Variants in FGF9 observed in about 807,000 individuals in gnomAD.
FGF9 encodes fibroblast growth factor 9 (glia-activating factor).
FGF9 carries 3 observed loss-of-function variants against 19.9 expected under a neutral mutation model. That is an observed-to-expected ratio of 0.15 (90% CI 0.07 to 0.39). The LOEUF (loss-of-function observed/expected upper bound fraction) is 0.39. FGF9 is among the 10% of genes least tolerant of loss of function. The probability of loss-of-function intolerance (pLI) is 1.00; values close to 1 mark genes in which losing one functional copy is unlikely to be tolerated. For synonymous variants in FGF9, 107 were observed against 106.9 expected (o/e 1.00, Z -0.01); for missense variants, 175 against 256.8 (o/e 0.68, Z 2.18).
At chr13:21,690,713 A>G (rs1306847170) in intron 2 of FGF9, among the ~76,000 whole-genome samples, 1 of 152,212 alleles carries the variant, frequency 6.6e-6, no homozygotes, top group African/African-American at 2.4e-5. Flanking sequence ...ATCCATGCAC[A>G]CGCTCCCAGC....
intron 1 of FGF9, among the ~76,000 whole-genome samples, chr13:21,679,166 A>G (rs1356857979): frequency 6.6e-6 from 1 of 152,186 alleles, no homozygotes; most frequent in Admixed American, 6.5e-5. Context: ...TCAAAACACA[A>G]TTTGTAATTT....
chr13:21,684,331 C>CT lies in FGF9; in HGVS notation c.381+3197dup, dbSNP rs547112331. 1.7e-3 allele frequency among the ~76,000 whole-genome samples: 243 copies of CT among 146,454 alleles called. 2 individuals are homozygous for CT. In the East Asian group the frequency reaches 0.026, roughly 15 times the overall value. ...GTATCTAAAGGGCATGGACCACATT[C>CT]TTTTTTTTTTTGGTTTCCTAACACA... On this transcript the variant is annotated intron_variant, in intron 2 of 2. Coordinates refer to ENST00000382353, the MANE Select transcript of FGF9 (RefSeq NM_002010.3).
rs1023635242 is a variant in FGF9, at chr13:21,672,483, G to C, written c.277+294G>C. The stretch of plus-strand genomic sequence containing the variant: ...ACAAGTTTCCAGTTCTTTTGCATCA[G>C]ATACACGGGTTTAGGAAGTTTCTTT... On this transcript the variant is annotated intron_variant, in intron 1 of 2. Transcript: ENST00000382353. The surrounding 1 kb of genome is among the most constrained non-coding windows in gnomAD (Gnocchi z 4.2). 6.6e-6 allele frequency among the ~76,000 whole-genome samples: 1 copy of C among 152,226 alleles called. No homozygotes were observed. Among genetic ancestry groups the C allele is most frequent in the African/African-American group, 2.4e-5 (1 of 41,444 alleles).
intron 1 of FGF9, among the ~76,000 whole-genome samples, chr13:21,673,491 C>T (rs1273486402): frequency 6.6e-6 from 1 of 152,050 alleles, no homozygotes; most frequent in East Asian, 1.9e-4. Flanking sequence ...CGTCTCCACT[C>T]GCTGCTTAAA....
Position 21,703,227 on chromosome 13 carries a change from C to A in FGF9, c.*1792C>A, listed in dbSNP as rs1035884736. 5.3e-5 allele frequency: 8 copies of A among 152,280 alleles called. No homozygotes were observed. The highest frequency in any genetic ancestry group is 1.9e-4 in the African/African-American group (8 of 41,572). The allele number at this position is 152,280 out of a possible 1,614,324, so 9.4% of individuals were successfully genotyped here. ...TGAACTAATTTTAAAATTTACTATT[C>A]AAACTTTATTTTGCTCTGATGCACA... On this transcript the variant is annotated 3_prime_UTR_variant, in exon 3 of 3. Transcript: ENST00000382353.
In FGF9 at chr13:21,702,962, A is replaced by G. The variant is rs960471875; in HGVS notation, c.*1527A>G. 1 of 152,240 alleles carries G rather than the reference A, an allele frequency of 6.6e-6. No homozygotes were observed. Among genetic ancestry groups the G allele is most frequent in the Non-Finnish European group, 1.5e-5 (1 of 68,032 alleles). 9.4% of individuals were successfully genotyped at this position (152,240 alleles called of 1,614,324 possible). On this transcript the variant is annotated 3_prime_UTR_variant, in exon 3 of 3. Coordinates refer to ENST00000382353, the MANE Select transcript of FGF9 (RefSeq NM_002010.3). ...ATAGAATATCTTTTACAAGGCTTTTATAACATTTTATGCTGAAAAGCATAA... is the reference window on the plus strand; with the variant it reads ...ATAGAATATCTTTTACAAGGCTTTTGTAACATTTTATGCTGAAAAGCATAA...
intron 2 of FGF9, among the ~76,000 whole-genome samples, chr13:21,693,459 C>G (rs1009711755): frequency 7.9e-5 from 12 of 152,184 alleles, no homozygotes; most frequent in African/African-American, 2.9e-4. Flanking sequence ...TCATATAGTG[C>G]CCAGGGATCC....
At chr13:21,700,150 G>C (rs1490692215) in intron 2 of FGF9, among the ~76,000 whole-genome samples, 1 of 152,116 alleles carries the variant, frequency 6.6e-6, no homozygotes, top group Non-Finnish European at 1.5e-5. Flanking sequence ...TAGAGAGGAA[G>C]TGTAGTCCAT....
intron 2 of FGF9, among the ~76,000 whole-genome samples, chr13:21,694,371 A>G (rs1225309178): frequency 6.6e-6 from 1 of 152,202 alleles, no homozygotes; most frequent in African/African-American, 2.4e-5. Flanking sequence ...TACATTAAAA[A>G]AAATTCTGCC....
intron 2 of FGF9, among the ~76,000 whole-genome samples, chr13:21,692,317 T>TG (rs530080469): frequency 6.4e-4 from 98 of 152,324 alleles, no homozygotes; most frequent in African/African-American, 2.2e-3. Flanking sequence ...TGAATTTCTG[T>TG]GTTTCAGCTA....
At chr13:21,674,506 G>C (rs887288974) in intron 1 of FGF9, among the ~76,000 whole-genome samples, 3 of 151,942 alleles carry the variant, frequency 2.0e-5, no homozygotes, top group African/African-American at 7.2e-5. Context: ...GGGAGCCCGG[G>C]GTGTGCGCGG....
intron 2 of FGF9, among the ~76,000 whole-genome samples, chr13:21,686,024 G>A (rs1010285326): frequency 6.6e-6 from 1 of 152,140 alleles, no homozygotes; most frequent in Non-Finnish European, 1.5e-5. Flanking sequence ...TACTTTTAGA[G>A]TCTTAATCTA....
chr13:21,698,432 G>C lies in FGF9; in HGVS notation c.382-2758G>C, dbSNP rs17070672. On this transcript the variant is annotated intron_variant, in intron 2 of 2. Coordinates refer to ENST00000382353, the MANE Select transcript of FGF9 (RefSeq NM_002010.3). ...GGTGTTCAGCACTGCTCTCTGATTG[G>C]ATCTCTGTCACAACCCTGCCTCAAG... Among the ~76,000 whole-genome samples, 241 of 152,260 alleles carry C rather than the reference G, an allele frequency of 1.6e-3. 1 individual carries two copies. In the Middle Eastern group the frequency reaches 0.037, roughly 24 times the overall value.
chr13:21,680,985 T>C (rs1210503354), intron 1 of FGF9, 57 bp from the exon 2 acceptor site: 1 of 1,348,022 alleles, frequency 7.4e-7, no homozygotes, highest in Non-Finnish European at 1.1e-6. Context: ...ATGCTGGGAC[T>C]CTAAGGACAT....
chr13:21,673,422 C>T (rs1871818063), intron 1 of FGF9, among the ~76,000 whole-genome samples: 1 of 152,134 alleles, frequency 6.6e-6, no homozygotes, highest in African/African-American at 2.4e-5. Context: ...ATTTGCTCCT[C>T]ATGCTCACCC....
intron 2 of FGF9, among the ~76,000 whole-genome samples, chr13:21,681,769 T>C (rs1310014023): frequency 1.3e-5 from 2 of 152,232 alleles, no homozygotes; most frequent in African/African-American, 2.4e-5. Flanking sequence ...TTATAGGTGC[T>C]GAGGTGTGAA....
chr13:21,698,433 A>T (rs1347156654), intron 2 of FGF9, among the ~76,000 whole-genome samples: 1 of 152,162 alleles, frequency 6.6e-6, no homozygotes, highest in African/African-American at 2.4e-5. Flanking sequence ...CTCTGATTGG[A>T]TCTCTGTCAC....
chr13:21,688,846 C>G (rs184253573), intron 2 of FGF9, among the ~76,000 whole-genome samples: 1 of 150,728 alleles, frequency 6.6e-6, no homozygotes, highest in South Asian at 2.1e-4. Flanking sequence ...AGTGGACAAT[C>G]GTCTTTTAAA....
chr13:21,688,752 A>AT (rs56274891), intron 2 of FGF9, among the ~76,000 whole-genome samples: 3,294 of 139,952 alleles, frequency 0.024, 58 homozygotes, highest in South Asian at 0.051. Flanking sequence ...ATTTTGGAGG[A>AT]TTTTTTTTTT....
Sources: allele counts gnomAD v4.1 joint callset (sites outside exome capture counted in the v4.1 genomes callset), GRCh38; gene constraint gnomAD v4.1.1; non-coding constraint Gnocchi (gnomAD v3.1); transcripts MANE v1.5; gene names NCBI Gene and HGNC (gene_info 2026-07-23, HGNC 2026-07-21).